The following MS4A10 variants were observed in gnomAD, a reference collection of about 807,000 sequenced individuals.
MS4A10 encodes the protein membrane-spanning 4-domains subfamily A member 10.
In MS4A10, 27 loss-of-function variants were observed where a neutral mutation model predicts 27.7. That is an observed-to-expected ratio of 0.98 (90% CI 0.72 to 1.35). MS4A10 has a LOEUF of 1.35. Among genes scored for constraint, MS4A10 ranks in the 40% most tolerant of loss-of-function variants. The probability of loss-of-function intolerance (pLI) is 0.00; values close to 1 mark genes in which losing one functional copy is unlikely to be tolerated. For missense variants in MS4A10, 338 were observed against 324.7 expected, an observed-to-expected ratio of 1.04 and a Z score of -0.32; for synonymous variants, 139 against 131.2, an observed-to-expected ratio of 1.06 and a Z score of -0.41.
At chr11:60,789,491 A>T (rs1023264464) in intron 1 of MS4A10, among the ~76,000 whole-genome samples, 1 of 151,356 alleles carries the variant, frequency 6.6e-6, no homozygotes, top group Non-Finnish European at 1.5e-5. Flanking sequence ...TTTTTCCCCA[A>T]CTCCTTTTTG....
At chr11:60,798,301 T>C in intron 6 of MS4A10, 95 bp from the exon 7 acceptor site, 1 of 943,090 alleles carries the variant, frequency 1.1e-6, no homozygotes, top group Non-Finnish European at 1.7e-6. Context: ...ATGGAGAACT[T>C]GAGTCTTCAG....
intron 7 of MS4A10, 49 bp from the exon 8 acceptor site, chr11:60,799,779 C>A (rs1410856009): frequency 1.2e-6 from 1 of 850,846 alleles, no homozygotes; most frequent in East Asian, 2.6e-5. Flanking sequence ...ATCCTCCCAT[C>A]GATCTGTGAC....
intron 6 of MS4A10, among the ~76,000 whole-genome samples, chr11:60,796,100 G>T (rs1232348410): frequency 6.6e-6 from 1 of 152,132 alleles, no homozygotes; most frequent in African/African-American, 2.4e-5. Flanking sequence ...GGTGTGTGTG[G>T]AGTTTGGCTG....
intron 1 of MS4A10, among the ~76,000 whole-genome samples, chr11:60,786,561 T>A (rs1433716849): frequency 6.6e-6 from 1 of 150,680 alleles, no homozygotes; most frequent in African/African-American, 2.4e-5. Context: ...ACAGGGTGTA[T>A]CATGTCTTAA....
At position 60,785,446 on chromosome 11, in the gene MS4A10, A is replaced by G. The variant is rs113237299; in HGVS notation, c.-23+25A>G. On this transcript the variant is annotated intron_variant, in intron 1 of 7. Coordinates refer to ENST00000308287, the MANE Select transcript of MS4A10 (RefSeq NM_206893.4). ...GGTGAGTGGTCCCCCCATGGCAGGAACAGAGGGGAGTGATTTTGTGTTTCC... is the reference window on the plus strand; with the variant it reads ...GGTGAGTGGTCCCCCCATGGCAGGAGCAGAGGGGAGTGATTTTGTGTTTCC... 1,284 of 152,534 alleles carry G rather than the reference A, an allele frequency of 8.4e-3. 7 individuals carry two copies. Among genetic ancestry groups the G allele is most frequent in the Non-Finnish European group, 0.013 (853 of 68,204 alleles). The allele number at this position is 152,534 out of a possible 1,614,324, so 9.4% of individuals were successfully genotyped here.
chr11:60,789,336 G>A (rs985672104), intron 1 of MS4A10, among the ~76,000 whole-genome samples: 1 of 152,156 alleles, frequency 6.6e-6, no homozygotes, highest in South Asian at 2.1e-4. Flanking sequence ...TCCCCGCCCA[G>A]CTGTCCACTT....
intron 5 of MS4A10, among the ~76,000 whole-genome samples, chr11:60,794,453 G>A (rs1331206285): frequency 1.3e-5 from 2 of 152,208 alleles, no homozygotes; most frequent in African/African-American, 4.8e-5. Context: ...TGTGCCTGGT[G>A]GCCCCTGTGA....
chr11:60,792,181 T>C, intron 3 of MS4A10, 84 bp from the exon 4 acceptor site: 1 of 1,091,080 alleles, frequency 9.2e-7, no homozygotes, highest in South Asian at 1.3e-5. Context: ...GTTGATTTTC[T>C]TGGAGAATAG....
In MS4A10 at chr11:60,791,227, C is replaced by G. The variant is rs900454505; in HGVS notation, c.303+134C>G. Reference sequence around the variant, plus strand: ...GTGCGGCAGAAGCGAGGCCCTTTCTCCAGTGTTCCTAGCTCTGCTTCTTTT... The same window carrying G: ...GTGCGGCAGAAGCGAGGCCCTTTCTGCAGTGTTCCTAGCTCTGCTTCTTTT... On this transcript the variant is annotated intron_variant, in intron 3 of 7. Coordinates refer to ENST00000308287, the MANE Select transcript of MS4A10 (RefSeq NM_206893.4). 41 of 1,158,870 alleles carry G rather than the reference C, an allele frequency of 3.5e-5. No homozygotes were observed. In the Middle Eastern group the frequency reaches 1.0e-3, roughly 29 times the overall value. 71.8% of individuals were successfully genotyped at this position (1,158,870 alleles called of 1,614,324 possible).
In MS4A10 at chr11:60,791,658, C is replaced by T. The variant is rs574442812; in HGVS notation, c.303+565C>T. The stretch of plus-strand genomic sequence containing the variant: ...GCCTATGCACTAAGTCCAAGCTCCA[C>T]GGCACTGTCTTGGGCAAGTATCCCA... On this transcript the variant is annotated intron_variant, in intron 3 of 7. Coordinates refer to ENST00000308287, the MANE Select transcript of MS4A10 (RefSeq NM_206893.4). 3.3e-5 allele frequency among the ~76,000 whole-genome samples: 5 copies of T among 152,366 alleles called. No homozygotes were observed. The South Asian group carries it at 6.2e-4, about 19-fold the overall frequency.
chr11:60,799,518 C>T (rs755090632), intron 7 of MS4A10, among the ~76,000 whole-genome samples: 9 of 152,066 alleles, frequency 5.9e-5, no homozygotes, highest in Admixed American at 2.6e-4. Flanking sequence ...TGAAATAAAA[C>T]GCAATTTTCC....
chr11:60,791,376 G>A (rs928793606), intron 3 of MS4A10, among the ~76,000 whole-genome samples: 1 of 152,218 alleles, frequency 6.6e-6, no homozygotes, highest in Non-Finnish European at 1.5e-5. Context: ...AGAGGAGGGT[G>A]AGTAAGACCC....
intron 4 of MS4A10, among the ~76,000 whole-genome samples, chr11:60,793,609 C>T (rs1036581831): frequency 1.2e-4 from 18 of 152,194 alleles, no homozygotes; most frequent in African/African-American, 4.3e-4. Context: ...ACCTGGGTGT[C>T]GAATCCCTGA....
intron 3 of MS4A10, 84 bp downstream of exon 3, chr11:60,791,177 G>A: frequency 6.4e-7 from 1 of 1,568,944 alleles, no homozygotes; most frequent in Non-Finnish European, 8.6e-7. Flanking sequence ...CAGGATGCAG[G>A]GTGGGATAGA....
In MS4A10 at chr11:60,790,497, C is replaced by A. The variant is rs1272089025; in HGVS notation, c.162C>A (p.Ser54Arg). ...PHQHEKSQKKSSLLKELGAFH... is the reference protein window; with the variant it reads ...PHQHEKSQKKRSLLKELGAFH... ...AGCACGAGAAGTCCCAGAAGAAGAGCAGCCTTCTTAAGGAGCTGGGGGTGA... is the reference window on the plus strand; with the variant it reads ...AGCACGAGAAGTCCCAGAAGAAGAGAAGCCTTCTTAAGGAGCTGGGGGTGA... Residue 54 changes from serine (S) to arginine (R), a missense_variant, in exon 2 of 8, where the codon AGC becomes AGA. Transcript: ENST00000308287. 1.2e-6 allele frequency: 2 copies of A among 1,614,032 alleles called. No homozygotes were observed. The highest frequency in any genetic ancestry group is 1.3e-5 in the African/African-American group (1 of 74,936).
chr11:60,791,227 C>T, intron 3 of MS4A10, 134 bp downstream of exon 3: 1 of 1,158,988 alleles, frequency 8.6e-7, no homozygotes, highest in South Asian at 1.6e-5. Flanking sequence ...GGCCCTTTCT[C>T]CAGTGTTCCT....
Position 60,791,089 on chromosome 11 carries a change from C to G in MS4A10, c.299C>G (p.Ala100Gly). The G allele has an allele frequency of 6.2e-7, 1 of 1,613,996 alleles. No homozygotes were observed. The highest frequency in any genetic ancestry group is 8.5e-7 in the Non-Finnish European group (1 of 1,179,954). ...TCTTGGTATCCATTCTGGGGGGCTG[C>G]CTCTGTGAGTAGAAGGCAAAACACA... ...LKSWYPFWGA[A>G]SFLISGILAI... Residue 100 changes from alanine to glycine, a missense_variant, in exon 3 of 8, where the codon GCC becomes GGC. By Grantham distance (60) the Ala-to-Gly change is moderately conservative (BLOSUM62 0). Transcript: ENST00000308287.
chr11:60,786,172 T>TGCACAC (rs1554971091), intron 1 of MS4A10, among the ~76,000 whole-genome samples: 3 of 131,380 alleles, frequency 2.3e-5, no homozygotes, highest in Non-Finnish European at 5.0e-5. Context: ...TGCACACACA[T>TGCACAC]GCACACACAC....
Position 60,800,288 on chromosome 11 carries a change from C to G in MS4A10, c.*379C>G. 5.0e-6 allele frequency: 1 copy of G among 199,080 alleles called. No homozygotes were observed. The highest frequency in any genetic ancestry group is 1.0e-5 in the Non-Finnish European group (1 of 97,184). The allele number at this position is 199,080 out of a possible 1,614,324, so 12.3% of individuals were successfully genotyped here. On this transcript the variant is annotated 3_prime_UTR_variant, in exon 8 of 8. Coordinates refer to ENST00000308287, the MANE Select transcript of MS4A10 (RefSeq NM_206893.4). ...ATCTCAGCCTCCCAAGTAGCTGGGA[C>G]TATAGGCACACGCCACCACGCCCAG...
Sources: gnomAD v4.1 joint callset for allele counts (sites outside exome capture counted in the v4.1 genomes callset) on GRCh38, gnomAD v4.1.1 for gene constraint, MANE v1.5 for transcripts, NCBI Gene and HGNC (gene_info 2026-07-23, HGNC 2026-07-21) for gene names.